ATP2C1: variants seen among roughly 807,000 people sequenced by gnomAD.
The protein encoded by ATP2C1 is calcium-transporting ATPase type 2C member 1.
ATP2C1 carries 31 observed loss-of-function variants against 120.5 expected under a neutral mutation model. The observed-to-expected ratio is 0.26, with a 90% confidence interval of 0.19 to 0.35. ATP2C1 has a LOEUF of 0.35. ATP2C1 is among the 10% of genes least tolerant of loss of function. The pLI is 1.00. For missense variants in ATP2C1, 731 were observed against 1,107.5 expected (o/e 0.66, Z 4.83); for synonymous variants, 351 against 358.7 (o/e 0.98, Z 0.24).
intron 4 of ATP2C1, among the ~76,000 whole-genome samples, chr3:130,932,939 T>C (rs964738716): frequency 6.6e-6 from 1 of 152,210 alleles, no homozygotes; most frequent in Non-Finnish European, 1.5e-5. Flanking sequence ...ACTGGAATTT[T>C]AAAGGTTGGA....
At chr3:130,930,661 C>T (rs2059413017) in intron 3 of ATP2C1, 135 bp downstream of exon 3, 2 of 712,336 alleles carry the variant, frequency 2.8e-6, no homozygotes, top group Non-Finnish European at 2.6e-6. Flanking sequence ...ATAGTAGCCA[C>T]AAGTTGAACA....
chr3:130,949,986 T>C lies in ATP2C1; in HGVS notation c.532-3835T>C, dbSNP rs140497554. On this transcript the variant is annotated intron_variant, in intron 8 of 27. Coordinates refer to ENST00000510168, the MANE Select transcript of ATP2C1 (RefSeq NM_001378687.1). ...ACTCGAGAGGTGATTGCCTTATCAG[T>C]GTACCGTATGTCAAACCGTTCTTTA... 8.6e-3 allele frequency among the ~76,000 whole-genome samples: 1,309 copies of C among 152,246 alleles called. 62 individuals are homozygous for C. The highest frequency in any genetic ancestry group is 0.08 in the Admixed American group (1,225 of 15,266).
chr3:131,001,428 T>C lies in ATP2C1; in HGVS notation c.*78T>C. 1 of 1,551,632 alleles carries C rather than the reference T, an allele frequency of 6.4e-7. No homozygotes were observed. The highest frequency in any genetic ancestry group is 8.7e-7 in the Non-Finnish European group (1 of 1,150,508). ...TTAGAAGGGCAAGTTCAAGAGGATA[T>C]GAAGATTTGAGAACTTTTTAACTAT... On this transcript the variant is annotated 3_prime_UTR_variant, in exon 28 of 28. Coordinates refer to ENST00000510168, the MANE Select transcript of ATP2C1 (RefSeq NM_001378687.1).
At chr3:130,898,772 C>T (rs897750476) in intron 2 of ATP2C1, among the ~76,000 whole-genome samples, 1 of 152,094 alleles carries the variant, frequency 6.6e-6, no homozygotes, top group African/African-American at 2.4e-5. Context: ...GAACACACCC[C>T]TAGGGGCCCA....
rs886057983 is a variant in ATP2C1 at position 131,001,284 on chromosome 3, T to C, written c.2694T>C (p.Val898=). 6.2e-7 allele frequency: 1 copy of C among 1,613,818 alleles called. No individual in the cohort carries two copies. The highest frequency in any genetic ancestry group is 8.5e-7 in the Non-Finnish European group (1 of 1,179,892). The change falls in exon 28 of 28, where the codon GTT becomes GTC. Residue 898 remains valine (V), a synonymous_variant. Transcript: ENST00000510168. The stretch of plus-strand genomic sequence containing the variant: ...TAGTGGCAGAAATTATAAAGAAGGT[T>C]GAAAGGAGCAGGGAAAAGATCCAGA... ...VCIVAEIIKK[V]ERSREKIQKH... is the part of the protein sequence containing the mutation.
At chr3:130,930,285 T>C (rs945133452) in intron 2 of ATP2C1, 131 bp from the exon 3 acceptor site, 1 of 704,684 alleles carries the variant, frequency 1.4e-6, no homozygotes, top group Admixed American at 2.0e-5. Context: ...TAGGACTAGC[T>C]ACGTAATTAG....
intron 2 of ATP2C1, among the ~76,000 whole-genome samples, chr3:130,927,580 G>T (rs2059271776): frequency 6.6e-6 from 1 of 152,080 alleles, no homozygotes; most frequent in South Asian, 2.1e-4. Flanking sequence ...TATATTCCTT[G>T]GGGAAAGATG....
intron 20 of ATP2C1, 36 bp from the exon 21 acceptor site, chr3:130,992,915 T>C: frequency 6.5e-7 from 1 of 1,528,490 alleles, no homozygotes; most frequent in Non-Finnish European, 9.1e-7. Context: ...GAAATCTTAA[T>C]ATTGAAGATT....
chr3:130,990,272 A>ACT (rs1553779031), intron 20 of ATP2C1, among the ~76,000 whole-genome samples: 1 of 102,072 alleles, frequency 9.8e-6, no homozygotes, highest in Non-Finnish European at 2.0e-5. Context: ...CTTAAGAGCA[A>ACT]CCCCCCCCCC....
At chr3:130,895,926 G>A (rs2069591151) in intron 2 of ATP2C1, among the ~76,000 whole-genome samples, 3 of 152,228 alleles carry the variant, frequency 2.0e-5, no homozygotes, top group Admixed American at 2.0e-4. Context: ...GTGTATAACT[G>A]CAGAGGAGTT....
At chr3:130,977,528 A>T (rs546216701) in intron 18 of ATP2C1, among the ~76,000 whole-genome samples, 1 of 152,174 alleles carries the variant, frequency 6.6e-6, no homozygotes, top group Non-Finnish European at 1.5e-5. Context: ...TAGAGGACTT[A>T]AAGAGGTCTT....
rs1304789698 is a variant in ATP2C1, at chr3:131,002,949, C to T, written c.*1599C>T. The T allele has an allele frequency of 4.1e-6, 4 of 985,720 alleles. No homozygotes were observed. The highest frequency in any genetic ancestry group is 3.6e-6 in the Non-Finnish European group (3 of 829,802). 61.1% of individuals were successfully genotyped at this position (985,720 alleles called of 1,614,324 possible). A position where few individuals can be genotyped will look rare whatever the true frequency, so the allele number is the denominator to read the frequency against. On this transcript the variant is annotated 3_prime_UTR_variant, in exon 28 of 28. Coordinates refer to ENST00000510168, the MANE Select transcript of ATP2C1 (RefSeq NM_001378687.1). ...AACATGGAAGCCATTGTCTAATCAA[C>T]TCTATCATTAGTGACTTGATGTCTC... is the stretch of plus-strand genomic sequence containing the variant.
At chr3:130,904,187 C>T (rs2058018065) in intron 2 of ATP2C1, among the ~76,000 whole-genome samples, 1 of 151,928 alleles carries the variant, frequency 6.6e-6, no homozygotes, top group South Asian at 2.1e-4. Flanking sequence ...CCCAGTTACT[C>T]CTAATGTTAA....
At chr3:131,006,977 G>A (rs1479462891), downstream of ATP2C1, among the ~76,000 whole-genome samples, 1 of 152,040 alleles carries the variant, frequency 6.6e-6, no homozygotes, top group African/African-American at 2.4e-5. Context: ...CTCATTTCTT[G>A]TAAACACTCT....
intron 12 of ATP2C1, chr3:130,963,360 A>G (rs1165043128): frequency 1.3e-5 from 2 of 155,270 alleles, no homozygotes; most frequent in African/African-American, 4.8e-5. Context: ...TGCTATCTCT[A>G]TGGATTTGCC....
At position 130,894,521 on chromosome 3, in the gene ATP2C1, A is replaced by G. The variant is rs921857281; in HGVS notation, c.-180-69A>G. Reference sequence around the variant, plus strand: ...GATCTTGGGGAGGGGGGCTCCCGAGATAGTGGCTGGGCGGGGAACTCCTTC... The same window carrying G: ...GATCTTGGGGAGGGGGGCTCCCGAGGTAGTGGCTGGGCGGGGAACTCCTTC... On this transcript the variant is annotated intron_variant, in intron 1 of 27. Transcript: ENST00000510168. This position sits in a 1 kb window ranked among gnomAD's most constrained non-coding sequence, Gnocchi z 4.5. 1.4e-6 allele frequency: 2 copies of G among 1,392,274 alleles called. No individual in the cohort carries two copies. Among genetic ancestry groups the G allele is most frequent in the African/African-American group, 1.5e-5 (1 of 68,586 alleles). The allele number at this position is 1,392,274 out of a possible 1,614,324, so 86.2% of individuals were successfully genotyped here. A position where few individuals can be genotyped will look rare whatever the true frequency, so the allele number is the denominator to read the frequency against.
chr3:131,006,904 G>A (rs1016479499), downstream of ATP2C1, among the ~76,000 whole-genome samples: 2 of 152,098 alleles, frequency 1.3e-5, no homozygotes, highest in African/African-American at 4.8e-5. Context: ...CTGGGCTCAA[G>A]CAATCTGCCC....
intron 1 of ATP2C1, among the ~76,000 whole-genome samples, chr3:130,862,314 C>CTTTATTTATTTATTTATTTA (rs56326023): frequency 7.2e-6 from 1 of 138,058 alleles, no homozygotes. Flanking sequence ...TACTTATTCA[C>CTTTATTTATTTATTTATTTA]TTTATTTATT....
At chr3:130,965,379 A>G (rs1005073447) in intron 14 of ATP2C1, among the ~76,000 whole-genome samples, 1 of 152,154 alleles carries the variant, frequency 6.6e-6, no homozygotes, top group Non-Finnish European at 1.5e-5. Flanking sequence ...CTCACCTGCC[A>G]TTCTGATAAA....
Sources: allele counts gnomAD v4.1 joint callset (sites outside exome capture counted in the v4.1 genomes callset), GRCh38; gene constraint gnomAD v4.1.1; non-coding constraint Gnocchi (gnomAD v3.1); transcripts MANE v1.5; gene names NCBI Gene and HGNC (gene_info 2026-07-23, HGNC 2026-07-21).